SPTB: variants seen among roughly 807,000 people sequenced by gnomAD.
SPTB encodes the protein spectrin beta, erythrocytic.
SPTB carries 45 observed loss-of-function variants against 256.2 expected under a neutral mutation model. The observed-to-expected ratio is 0.18, with a 90% confidence interval of 0.14 to 0.23. The LOEUF (loss-of-function observed/expected upper bound fraction) is 0.23, where lower values mean the gene tolerates loss of function less well. Ranked by LOEUF, SPTB falls within the 10% of genes least tolerant of loss-of-function variation. The probability of loss-of-function intolerance (pLI) is 1.00; values close to 1 mark genes in which losing one functional copy is unlikely to be tolerated. For synonymous variants in SPTB, 1,231 were observed against 1,243.1 expected (o/e 0.99, Z 0.21); for missense variants, 2,715 against 3,040.4 (o/e 0.89, Z 2.52).
chr14:64,765,805 GGTGTGT>G (rs71444677), intron 32 of SPTB, among the ~76,000 whole-genome samples: 1 of 149,166 alleles, frequency 6.7e-6, no homozygotes, highest in Middle Eastern at 3.4e-3. Flanking sequence ...GAGTGATTGG[GGTGTGT>G]GTGTGTGTGA....
rs894821309 is a variant in SPTB, at chr14:64,764,884, C to T, written c.6345+1842G>A. ...ACAGACAGGGAGGCGACCCCACATG[C>T]GATGACGGGAGCTTCGGAGGGAACT... On this transcript the variant is annotated intron_variant, in intron 32 of 35. Transcript: ENST00000644917. This position sits in a 1 kb window ranked among gnomAD's most constrained non-coding sequence, Gnocchi z 4.2. Among the ~76,000 whole-genome samples the T allele has an allele frequency of 6.6e-6, 1 of 152,100 alleles. No homozygotes were observed. The highest frequency in any genetic ancestry group is 1.5e-5 in the Non-Finnish European group (1 of 68,014).
chr14:64,820,920 C>T (rs938978756), intron 2 of SPTB, among the ~76,000 whole-genome samples: 2 of 152,064 alleles, frequency 1.3e-5, no homozygotes, highest in Non-Finnish European at 2.9e-5. Context: ...TCAAGCCATA[C>T]ACTTACCTCA....
chr14:64,797,899 T>G, intron 9 of SPTB, 53 bp from the exon 10 acceptor site: 1 of 1,422,754 alleles, frequency 7.0e-7, no homozygotes, highest in Non-Finnish European at 9.9e-7. Flanking sequence ...ATGGCCAAAT[T>G]TTTTTGCTAA....
chr14:64,860,578 T>C (rs569462859), intron 1 of SPTB, among the ~76,000 whole-genome samples: 1 of 151,750 alleles, frequency 6.6e-6, no homozygotes, highest in Admixed American at 6.6e-5. Flanking sequence ...ATATCATATA[T>C]CCCACAGTAG....
At position 64,797,729 on chromosome 14, in the gene SPTB, C is replaced by T. The variant is rs1397640311; in HGVS notation, c.1182G>A (p.Arg394=). Residue 394 remains arginine (R), a splice_region_variant and synonymous_variant, in exon 10 of 36, where the codon AGG becomes AGA. Transcript: ENST00000644917. The stretch of plus-strand genomic sequence containing the variant: ...TGCATAACGGAAAATGCTGTGGTAC[C>T]CTGTTGATGTCAGACACTAGTTTCC... ...HDGKLVSDIN[R]AWESLEEAEY... The T allele has an allele frequency of 1.2e-6, 2 of 1,605,052 alleles. No homozygotes were observed. The highest frequency in any genetic ancestry group is 1.1e-5 in the South Asian group (1 of 90,860).
At chr14:64,833,135 C>T (rs1014452688) in intron 1 of SPTB, among the ~76,000 whole-genome samples, 3 of 152,318 alleles carry the variant, frequency 2.0e-5, no homozygotes. Flanking sequence ...CCATTCAGGT[C>T]CCCGGCTCTC....
rs200876438 is a variant in SPTB, at chr14:64,779,209, G to A, written c.4511C>T (p.Ala1504Val). The A allele has an allele frequency of 2.1e-4, 332 of 1,613,876 alleles. 3 individuals carry two copies. In the Admixed American group the frequency reaches 5.4e-3, roughly 26 times the overall value. Residue 1504 changes from alanine (A) to valine (V), a missense_variant, in exon 22 of 36, where the codon GCC becomes GTC. Transcript: ENST00000644917. This position sits in a 1 kb window ranked among gnomAD's most constrained non-coding sequence, Gnocchi z 4.2. The part of the protein sequence containing the change: ...VEERLPLAQS[A>V]DYGTNLQTVQ... ...AGTTTGCAGATTAGTGCCATAGTCG[G>A]CTGACTGGGCCAGAGGCAGCCTCTC...
intron 7 of SPTB, 83 bp from the exon 8 acceptor site, chr14:64,800,951 A>G (rs2082874311): frequency 9.2e-7 from 1 of 1,082,166 alleles, no homozygotes; most frequent in Non-Finnish European, 1.4e-6. Flanking sequence ...CCATTCCTCC[A>G]GCATCAAGTT....
chr14:64,797,251 T>C (rs773569225), intron 10 of SPTB, among the ~76,000 whole-genome samples: 10 of 151,736 alleles, frequency 6.6e-5, no homozygotes, highest in Non-Finnish European at 1.3e-4. Context: ...GGTGGGAGGA[T>C]TGTTTGAGCC....
chr14:64,812,201 G>A (rs893596995), intron 2 of SPTB, among the ~76,000 whole-genome samples: 3 of 152,142 alleles, frequency 2.0e-5, no homozygotes, highest in Non-Finnish European at 4.4e-5. Context: ...TGCCTGCCTC[G>A]GCCTCCCAAG....
rs2082134349 is a variant in SPTB at position 64,764,265 on chromosome 14, CCCGACAGGCTCTGT to C, written c.6345+2447_6345+2460del. On this transcript the variant is annotated intron_variant, in intron 32 of 35. Transcript: ENST00000644917. The surrounding 1 kb of genome is among the most constrained non-coding windows in gnomAD (Gnocchi z 4.2). ...GCCTTCTAGAGCCAGGTTGGGCTTT[CCCGACAGGCTCTGT>C]CCTCCTCTTTCTTGCATCGAAGGTG... is the stretch of plus-strand genomic sequence containing the variant. Among the ~76,000 whole-genome samples, 1 of 152,212 alleles carries C rather than the reference CCCGACAGGCTCTGT, an allele frequency of 6.6e-6. No homozygotes were observed. The highest frequency in any genetic ancestry group is 2.4e-5 in the African/African-American group (1 of 41,442).
At chr14:64,839,339 T>C (rs2083571476) in intron 1 of SPTB, among the ~76,000 whole-genome samples, 1 of 152,200 alleles carries the variant, frequency 6.6e-6, no homozygotes, top group Non-Finnish European at 1.5e-5. Flanking sequence ...GGCTGCTCAC[T>C]GTCTGATTAA....
chr14:64,779,965 T>C lies in SPTB; in HGVS notation c.4267-34A>G, dbSNP rs1360377477. 8 of 1,574,800 alleles carry C rather than the reference T, an allele frequency of 5.1e-6. No individual in the cohort carries two copies. The highest frequency in any genetic ancestry group is 1.7e-5 in the Admixed American group (1 of 59,968). On this transcript the variant is annotated intron_variant, in intron 20 of 35. Coordinates refer to ENST00000644917, the MANE Select transcript of SPTB (RefSeq NM_001355436.2). This position sits in a 1 kb window ranked among gnomAD's most constrained non-coding sequence, Gnocchi z 4.2. ...CAAGGGGACGGTGTCAGCACCAGCCTTGGCACCTGCACAGCCCCTCCATCT... is the reference window on the plus strand; with the variant it reads ...CAAGGGGACGGTGTCAGCACCAGCCCTGGCACCTGCACAGCCCCTCCATCT...
In SPTB at chr14:64,841,575, G is replaced by A. The variant is rs944468249; in HGVS notation, c.-51-18430C>T. Reference sequence around the variant, plus strand: ...AGAATGCACTGGGTCTCTAGCCTGCGTCAGATCCACATTTCTTGTGAGGAT... The same window carrying A: ...AGAATGCACTGGGTCTCTAGCCTGCATCAGATCCACATTTCTTGTGAGGAT... On this transcript the variant is annotated intron_variant, in intron 1 of 35. Coordinates refer to ENST00000644917, the MANE Select transcript of SPTB (RefSeq NM_001355436.2). The surrounding 1 kb of genome is among the most constrained non-coding windows in gnomAD (Gnocchi z 4.6). Among the ~76,000 whole-genome samples, 3 of 152,174 alleles carry A rather than the reference G, an allele frequency of 2.0e-5. No individual in the cohort carries two copies. The highest frequency in any genetic ancestry group is 2.1e-4 in the South Asian group (1 of 4,824).
intron 32 of SPTB, among the ~76,000 whole-genome samples, chr14:64,765,132 ACTAT>A (rs2082150122): frequency 6.6e-6 from 1 of 151,902 alleles, no homozygotes; most frequent in African/African-American, 2.4e-5. Flanking sequence ...GGGAGGCCTC[ACTAT>A]CTGTATATGT....
Position 64,772,360 on chromosome 14 carries a change from G to A in SPTB, c.5553+220C>T, listed in dbSNP as rs1377223371. ...GGAGAAACTGCAACCGTATAGTATT[G>A]TATGCATTGGCCTTTTGTGAGGATT... On this transcript the variant is annotated intron_variant, in intron 26 of 35. Transcript: ENST00000644917. This position sits in a 1 kb window ranked among gnomAD's most constrained non-coding sequence, Gnocchi z 5.4. 1.3e-5 allele frequency among the ~76,000 whole-genome samples: 2 copies of A among 152,218 alleles called. No individual in the cohort carries two copies. Among genetic ancestry groups the A allele is most frequent in the African/African-American group, 2.4e-5 (1 of 41,460 alleles).
rs2083804845 is a variant in SPTB, at chr14:64,852,541, G to T, written c.-52+27251C>A. 1.3e-5 allele frequency among the ~76,000 whole-genome samples: 2 copies of T among 152,202 alleles called. No homozygotes were observed. Among genetic ancestry groups the T allele is most frequent in the Admixed American group, 6.5e-5 (1 of 15,288 alleles). ...GGGAACTGATTAGGATGTCACTGCA[G>T]TAACTGAGACAAGAGACGGTGTGGG... On this transcript the variant is annotated intron_variant, in intron 1 of 35. Coordinates refer to ENST00000644917, the MANE Select transcript of SPTB (RefSeq NM_001355436.2). The surrounding 1 kb of genome is among the most constrained non-coding windows in gnomAD (Gnocchi z 4.2).
chr14:64,786,814 G>T lies in SPTB; in HGVS notation c.3151C>A (p.Gln1051Lys), dbSNP rs1227199684. The change falls in exon 16 of 36, where the codon CAG becomes AAG. Residue 1051 changes from glutamine (Q) to lysine (K), a missense_variant. Physicochemically the swap from Gln to Lys is moderately conservative, Grantham distance 53. Coordinates refer to ENST00000644917, the MANE Select transcript of SPTB (RefSeq NM_001355436.2). This position sits in a 1 kb window ranked among gnomAD's most constrained non-coding sequence, Gnocchi z 5.6. The part of the protein sequence containing the change: ...ELWQGLQQSL[Q>K]GQEDLLGEVS... ...TCCCCCAGCAAGTCCTCCTGGCCCT[G>T]CAGGGATTGCTGCAGGCCCTGCCAC... The T allele has an allele frequency of 3.7e-6, 6 of 1,613,848 alleles. No homozygotes were observed. The highest frequency in any genetic ancestry group is 1.7e-5 in the Admixed American group (1 of 60,002).
intron 2 of SPTB, among the ~76,000 whole-genome samples, chr14:64,808,578 T>A (rs988488576): frequency 6.6e-6 from 1 of 152,128 alleles, no homozygotes; most frequent in African/African-American, 2.4e-5. Context: ...AAGCTTGCCA[T>A]CATGTGAACT....
Sources: allele counts gnomAD v4.1 joint callset (sites outside exome capture counted in the v4.1 genomes callset), GRCh38; gene constraint gnomAD v4.1.1; non-coding constraint Gnocchi (gnomAD v3.1); transcripts MANE v1.5; gene names NCBI Gene and HGNC (gene_info 2026-07-23, HGNC 2026-07-21).